Variants in RBFOX3 observed in about 807,000 individuals in gnomAD.
RBFOX3 encodes RNA binding fox-1 homolog 3.
Under a neutral mutation model 48.7 loss-of-function variants are expected in RBFOX3, and 17 were observed. The ratio of observed to expected loss-of-function variants is 0.35; its 90% CI spans 0.24 to 0.52. The LOEUF (loss-of-function observed/expected upper bound fraction) is 0.52. RBFOX3 is among the 20% of genes least tolerant of loss of function. RBFOX3 has a pLI of 0.94. For synonymous variants in RBFOX3, 212 were observed against 209.5 expected (o/e 1.01, Z -0.10); for missense variants, 382 against 497.5 (o/e 0.77, Z 2.21).
At chr17:79,257,590 T>C (rs574523531) in intron 3 of RBFOX3, among the ~76,000 whole-genome samples, 13 of 152,022 alleles carry the variant, frequency 8.6e-5, no homozygotes, top group South Asian at 2.1e-4. Flanking sequence ...GCTTTTTTTT[T>C]CCCCCTCTGA....
chr17:79,624,961 G>A, the RBFOX3 span, among the ~76,000 whole-genome samples: 9 of 152,172 alleles, frequency 5.9e-5, no homozygotes, highest in Non-Finnish European at 2.9e-5. Context: ...AGAGACTGGG[G>A]AAGGCAGCAT....
chr17:79,383,038 A>ACACACACACACACAC (rs1386908006), intron 2 of RBFOX3, among the ~76,000 whole-genome samples: 13 of 84,306 alleles, frequency 1.5e-4, no homozygotes, highest in African/African-American at 4.3e-4. Flanking sequence ...TCAAACACAC[A>ACACACACACACACAC]CACACACACA....
chr17:79,457,703 CTGTCCCCGCGA>C (rs1177060646), intron 2 of RBFOX3, among the ~76,000 whole-genome samples: 4 of 152,232 alleles, frequency 2.6e-5, no homozygotes, highest in Admixed American at 6.5e-5. Context: ...GGCCCTGGGG[CTGTCCCCGCGA>C]TGTCCCTGCA....
chr17:79,194,449 A>T (rs1423417040), intron 4 of RBFOX3, among the ~76,000 whole-genome samples: 1 of 152,066 alleles, frequency 6.6e-6, no homozygotes, highest in African/African-American at 2.4e-5. Context: ...TCTACTAAAA[A>T]TACAAAAATT....
chr17:79,184,207 G>A (rs1200883107), intron 4 of RBFOX3, among the ~76,000 whole-genome samples: 1 of 152,168 alleles, frequency 6.6e-6, no homozygotes, highest in African/African-American at 2.4e-5. Flanking sequence ...CTCCAGGAGC[G>A]TCTCCTGCCC....
chr17:79,514,563 A>C (rs2084976725), intron 1 of RBFOX3, among the ~76,000 whole-genome samples: 2 of 152,222 alleles, frequency 1.3e-5, no homozygotes, highest in Non-Finnish European at 2.9e-5. Flanking sequence ...ACACAGCGAT[A>C]TCCTGCCCTT....
At chr17:79,366,564 G>C (rs1321083098) in intron 2 of RBFOX3, among the ~76,000 whole-genome samples, 3 of 152,218 alleles carry the variant, frequency 2.0e-5, no homozygotes. Flanking sequence ...CCCAGCTCCT[G>C]CTGTCTGCCG....
chr17:79,338,039 A>G (rs1268396762), intron 2 of RBFOX3, among the ~76,000 whole-genome samples: 3 of 151,888 alleles, frequency 2.0e-5, no homozygotes, highest in African/African-American at 7.3e-5. Context: ...CCTGGGCTCA[A>G]GTGAGTCTCC....
At chr17:79,286,820 G>A (rs2072016096) in intron 3 of RBFOX3, among the ~76,000 whole-genome samples, 1 of 141,254 alleles carries the variant, frequency 7.1e-6, no homozygotes, top group South Asian at 2.2e-4. Flanking sequence ...GAAGACGGAG[G>A]TGCCCAGCAA....
intron 2 of RBFOX3, among the ~76,000 whole-genome samples, chr17:79,355,612 G>C (rs1432819694): frequency 6.6e-6 from 1 of 151,172 alleles, no homozygotes; most frequent in Non-Finnish European, 1.5e-5. Context: ...ACGGAGTCTT[G>C]CTCTGTTGCC....
chr17:79,260,438 TGAG>T (rs2065570031), intron 3 of RBFOX3, among the ~76,000 whole-genome samples: 1 of 152,148 alleles, frequency 6.6e-6, no homozygotes, highest in East Asian at 1.9e-4. Flanking sequence ...CTAGGAACCC[TGAG>T]AAGAAAGAAC....
intron 1 of RBFOX3, among the ~76,000 whole-genome samples, chr17:79,549,098 C>A (rs2090865081): frequency 6.6e-6 from 1 of 152,234 alleles, no homozygotes; most frequent in Non-Finnish European, 1.5e-5. Flanking sequence ...CAGGGCAGAG[C>A]AAACACCAGT....
chr17:79,264,296 G>A (rs199726571), intron 3 of RBFOX3, among the ~76,000 whole-genome samples: 2 of 151,726 alleles, frequency 1.3e-5, no homozygotes, highest in East Asian at 1.9e-4. Context: ...GGCTGGTCTC[G>A]AACTCCTGAC....
chr17:79,611,130 T>TC (rs1491548376), upstream of RBFOX3, among the ~76,000 whole-genome samples: 17,910 of 37,674 alleles, frequency 0.48, 8,240 homozygotes, highest in Middle Eastern at 0.54. Flanking sequence ...TCCGCCCTCC[T>TC]TCTCTCTCTC....
At chr17:79,529,509 C>T (rs958447868) in intron 1 of RBFOX3, among the ~76,000 whole-genome samples, 7 of 152,090 alleles carry the variant, frequency 4.6e-5, no homozygotes, top group Non-Finnish European at 8.8e-5. Context: ...AAAGTGGGGG[C>T]GGGGTGGCTG....
intron 1 of RBFOX3, among the ~76,000 whole-genome samples, chr17:79,605,387 T>C (rs947529841): frequency 6.6e-6 from 1 of 152,182 alleles, no homozygotes; most frequent in Admixed American, 6.5e-5. Flanking sequence ...GATTATTTTC[T>C]AAAAGGGCTA....
intron 1 of RBFOX3, among the ~76,000 whole-genome samples, chr17:79,526,802 C>T (rs1003969817): frequency 2.0e-5 from 3 of 152,256 alleles, no homozygotes; most frequent in East Asian, 1.9e-4. Context: ...AGTGATTCAC[C>T]TTGCACCTTC....
intron 2 of RBFOX3, among the ~76,000 whole-genome samples, chr17:79,328,970 A>G (rs1443402075): frequency 6.6e-6 from 1 of 152,190 alleles, no homozygotes; most frequent in Non-Finnish European, 1.5e-5. Flanking sequence ...GAGCTGAATC[A>G]GCAGGTGCCC....
At chr17:79,238,248 T>C (rs1296947985) in intron 3 of RBFOX3, among the ~76,000 whole-genome samples, 1 of 152,230 alleles carries the variant, frequency 6.6e-6, no homozygotes, top group East Asian at 1.9e-4. Flanking sequence ...GATTTTCTTA[T>C]TGGTGATTTC....
Sources: allele counts gnomAD v4.1 joint callset (sites outside exome capture counted in the v4.1 genomes callset), GRCh38; gene constraint gnomAD v4.1.1; transcripts MANE v1.5; gene names NCBI Gene and HGNC (gene_info 2026-07-23, HGNC 2026-07-21).